GYS1: variants seen among roughly 807,000 people sequenced by gnomAD.
GYS1 encodes the protein glycogen synthase 1.
A neutral mutation model predicts 89.1 loss-of-function variants in GYS1; 60 were observed. The observed-to-expected ratio is 0.67, with a 90% confidence interval of 0.55 to 0.84. GYS1 has a LOEUF of 0.84. GYS1 is among the 40% of genes least tolerant of loss of function. The pLI, the probability that GYS1 is intolerant of heterozygous loss-of-function variation, is 0.00. For missense variants in GYS1, 888 were observed against 1,003.1 expected, an observed-to-expected ratio of 0.89 and a Z score of 1.55; for synonymous variants, 366 against 401.7, an observed-to-expected ratio of 0.91 and a Z score of 1.06.
intron 3 of GYS1, among the ~76,000 whole-genome samples, chr19:48,986,679 T>G (rs1318955028): frequency 6.6e-6 from 1 of 151,958 alleles, no homozygotes; most frequent in African/African-American, 2.4e-5. Context: ...CCAGCTAATT[T>G]TTTTGTATGT....
chr19:48,985,374 TG>T, intron 5 of GYS1, 86 bp downstream of exon 5: 2 of 1,354,264 alleles, frequency 1.5e-6, no homozygotes, highest in Non-Finnish European at 2.1e-6. Context: ...CAACTTACAG[TG>T]GGCTTCTTGG....
At chr19:48,972,480 T>A (rs528641794) in intron 12 of GYS1, among the ~76,000 whole-genome samples, 2 of 149,438 alleles carry the variant, frequency 1.3e-5, no homozygotes, top group South Asian at 2.1e-4. Flanking sequence ...GACCTATAAT[T>A]ATTATTATTA....
intron 3 of GYS1, 67 bp from the exon 4 acceptor site, chr19:48,986,102 A>G: frequency 6.9e-7 from 1 of 1,447,910 alleles, no homozygotes; most frequent in Non-Finnish European, 9.6e-7. Flanking sequence ...AATCCCCAGT[A>G]GGGACAAGGA....
At chr19:48,979,332 T>TTTTC in intron 8 of GYS1, among the ~76,000 whole-genome samples, 5 of 86,930 alleles carry the variant, frequency 5.8e-5, no homozygotes, top group Admixed American at 1.2e-4. Context: ...TTCTTTTTTC[T>TTTTC]TTTCTTTTTT....
intron 2 of GYS1, among the ~76,000 whole-genome samples, chr19:48,989,986 C>T (rs2038897598): frequency 7.7e-6 from 1 of 129,240 alleles, no homozygotes; most frequent in African/African-American, 3.0e-5. Context: ...CAGCTGTTGT[C>T]TGCCCTTTTG....
chr19:48,979,340 T>TTTTTTTTTTTTTTC (rs2038713835), intron 8 of GYS1, among the ~76,000 whole-genome samples: 1 of 13,494 alleles, frequency 7.4e-5, no homozygotes, highest in African/African-American at 6.2e-4. Context: ...TCTTTTCTTT[T>TTTTTTTTTTTTTTC]TTTTTTTTTT....
chr19:48,969,641 G>A (rs2038523382), intron 15 of GYS1, 30 bp from the exon 16 acceptor site: 1 of 1,561,326 alleles, frequency 6.4e-7, no homozygotes, highest in Non-Finnish European at 8.6e-7. Context: ...TGCAAACCAG[G>A]GTGAGCTGAG....
intron 8 of GYS1, among the ~76,000 whole-genome samples, chr19:48,978,841 A>G (rs75018930): frequency 0.036 from 5,438 of 152,124 alleles, 304 homozygotes; most frequent in African/African-American, 0.12. Context: ...AGCTACCCTT[A>G]GGTTTCTAGG....
intron 12 of GYS1, 100 bp downstream of exon 12, chr19:48,974,113 A>G (rs1012652202): frequency 3.1e-6 from 4 of 1,298,270 alleles, no homozygotes; most frequent in African/African-American, 1.5e-5. Flanking sequence ...TGTTTTGCAA[A>G]GAAGGCAACA....
rs2122490492 is a variant in GYS1, at chr19:48,977,924, C to T, written c.1308G>A (p.Gln436=). ...TMMKRAIFAT[Q]RQSFPPVCTH... ...CTCTGCACAGAGGTCCAATCCATAC[C>T]TGCGTTGCAAAGATGGCTCTCTTCA... Residue 436 remains glutamine, a splice_region_variant and synonymous_variant, in exon 10 of 16, where the codon CAG becomes CAA. Coordinates refer to ENST00000323798, the MANE Select transcript of GYS1 (RefSeq NM_002103.5). 1 of 1,611,910 alleles carries T rather than the reference C, an allele frequency of 6.2e-7. No homozygotes were observed. The highest frequency in any genetic ancestry group is 8.5e-7 in the Non-Finnish European group (1 of 1,177,960).
intron 3 of GYS1, among the ~76,000 whole-genome samples, chr19:48,986,534 A>C: frequency 7.2e-6 from 1 of 138,030 alleles, no homozygotes. Context: ...ACAGTGTCTC[A>C]CTCTGTGGCC....
chr19:48,976,989 A>C (rs749459240), intron 10 of GYS1, among the ~76,000 whole-genome samples: 4 of 151,770 alleles, frequency 2.6e-5, no homozygotes, highest in Non-Finnish European at 5.9e-5. Flanking sequence ...GGGTTTCATC[A>C]TGTTGCCCAG....
chr19:48,969,167 T>G lies in GYS1; in HGVS notation c.*121A>C. On this transcript the variant is annotated 3_prime_UTR_variant, in exon 16 of 16. Transcript: ENST00000323798. ...GGGGTGGAGTGTTTGGCGGACTGGG[T>G]GGGGGCACTGCGGGGCCACACCCAG... is the stretch of plus-strand genomic sequence containing the variant. The G allele has an allele frequency of 1.2e-6, 1 of 855,710 alleles. No individual in the cohort carries two copies. Among genetic ancestry groups the G allele is most frequent in the Non-Finnish European group, 1.8e-6 (1 of 558,964 alleles). The allele number at this position is 855,710 out of a possible 1,614,324, so 53.0% of individuals were successfully genotyped here.
intron 8 of GYS1, among the ~76,000 whole-genome samples, chr19:48,979,336 C>CTTTTTTTTTTTTTTTTTTTTTTTTTTTT (rs777178030): frequency 2.5e-4 from 23 of 92,768 alleles, no homozygotes; most frequent in African/African-American, 3.0e-4. Context: ...TTTTTCTTTT[C>CTTTTTTTTTTTTTTTTTTTTTTTTTTTT]TTTTTTTTTT....
chr19:48,980,659 CA>C (rs35768030), intron 8 of GYS1, among the ~76,000 whole-genome samples: 53,783 of 142,242 alleles, frequency 0.38, 9,699 homozygotes, highest in Middle Eastern at 0.51. Context: ...GACTCTGTTT[CA>C]AAAAAAAAAA....
rs368204451 is a variant in GYS1, at chr19:48,982,395, C to T, written c.942-20G>A. 102 of 1,613,304 alleles carry T rather than the reference C, an allele frequency of 6.3e-5. No individual in the cohort carries two copies. Among genetic ancestry groups the T allele is most frequent in the East Asian group, 4.7e-4 (21 of 44,854 alleles). On this transcript the variant is annotated intron_variant, in intron 6 of 15. Coordinates refer to ENST00000323798, the MANE Select transcript of GYS1 (RefSeq NM_002103.5). ...AGATGCCTAAAGAACCCACAAGGCACGGTAAAGCCCAAAGCCCTCACCCGC... is the reference window on the plus strand; with the variant it reads ...AGATGCCTAAAGAACCCACAAGGCATGGTAAAGCCCAAAGCCCTCACCCGC...
At chr19:48,990,343 A>C (rs955803077) in intron 2 of GYS1, among the ~76,000 whole-genome samples, 4 of 151,352 alleles carry the variant, frequency 2.6e-5, no homozygotes, top group Non-Finnish European at 5.9e-5. Flanking sequence ...CCCATCTCAG[A>C]CTCTGTCCTG....
At chr19:48,982,614 C>T (rs2038784378) in intron 6 of GYS1, 106 bp downstream of exon 6, 3 of 938,208 alleles carry the variant, frequency 3.2e-6, no homozygotes, top group Non-Finnish European at 5.3e-6. Context: ...GTGCCCCCTC[C>T]CTCAGACCCA....
At position 48,969,176 on chromosome 19, in the gene GYS1, T is replaced by C; in HGVS notation, c.*112A>G. 1.0e-6 allele frequency: 1 copy of C among 993,392 alleles called. No individual in the cohort carries two copies. Among genetic ancestry groups the C allele is most frequent in the Non-Finnish European group, 1.5e-6 (1 of 681,418 alleles). The allele number at this position is 993,392 out of a possible 1,614,324, so 61.5% of individuals were successfully genotyped here. A position where few individuals can be genotyped will look rare whatever the true frequency, so the allele number is the denominator to read the frequency against. On this transcript the variant is annotated 3_prime_UTR_variant, in exon 16 of 16. Coordinates refer to ENST00000323798, the MANE Select transcript of GYS1 (RefSeq NM_002103.5). ...TGTTTGGCGGACTGGGTGGGGGCAC[T>C]GCGGGGCCACACCCAGTGCAGATCT... is the stretch of plus-strand genomic sequence containing the variant.
Sources: allele counts gnomAD v4.1 joint callset (sites outside exome capture counted in the v4.1 genomes callset), GRCh38; gene constraint gnomAD v4.1.1; transcripts MANE v1.5; gene names NCBI Gene and HGNC (gene_info 2026-07-23, HGNC 2026-07-21).